The following CFAP74 variants were observed in gnomAD, a reference collection of about 807,000 sequenced individuals.
CFAP74 encodes the protein cilia and flagella associated protein 74.
In CFAP74, 124 loss-of-function variants were observed where a neutral mutation model predicts 188.9. The ratio of observed to expected loss-of-function variants is 0.66; its 90% CI spans 0.57 to 0.76. The LOEUF is 0.76. CFAP74 is among the 30% of genes least tolerant of loss of function. The probability of loss-of-function intolerance (pLI) is 0.00; values close to 1 mark genes in which losing one functional copy is unlikely to be tolerated. For synonymous variants in CFAP74, 956 were observed against 916.7 expected, an observed-to-expected ratio of 1.04 and a Z score of -0.77; for missense variants, 2,198 against 2,165.2, an observed-to-expected ratio of 1.02 and a Z score of -0.30.
At chr1:1,955,363 GC>G (rs762389126) in intron 18 of CFAP74, 1 of 1,341,566 alleles carries the variant, frequency 7.5e-7, no homozygotes, top group South Asian at 1.2e-5. Context: ...CTAGACAGAA[GC>G]CCCCCGCAGC....
chr1:1,970,565 G>C (rs1655879072), intron 10 of CFAP74, 94 bp downstream of exon 10: 2 of 1,386,334 alleles, frequency 1.4e-6, no homozygotes, highest in East Asian at 5.0e-5. Context: ...AGAGAGAGCA[G>C]CTTTGCTCAA....
rs748863427 is a variant in CFAP74 at position 1,924,493 on chromosome 1, T to G, written c.4132A>C (p.Lys1378Gln). The G allele has an allele frequency of 6.2e-7, 1 of 1,601,428 alleles. No individual in the cohort carries two copies. Among genetic ancestry groups the G allele is most frequent in the South Asian group, 1.1e-5 (1 of 89,886 alleles). ...KLQNNSLLPIKFSMHLDSLSS... is the reference protein window; with the variant it reads ...KLQNNSLLPIQFSMHLDSLSS... The stretch of plus-strand genomic sequence containing the variant: ...AGGCTGTCCAGGTGCATGGAGAACT[T>G]GATGGGGAGCAGAGAGTTGTTCTGC... Residue 1378 changes from lysine (K) to glutamine (Q), a missense_variant, in exon 34 of 39, where the codon AAG becomes CAG. Coordinates refer to ENST00000682832, the MANE Select transcript of CFAP74 (RefSeq NM_001304360.2).
chr1:1,947,576 G>A (rs1165527487), intron 18 of CFAP74, among the ~76,000 whole-genome samples: 2 of 152,250 alleles, frequency 1.3e-5, no homozygotes, highest in Non-Finnish European at 2.9e-5. Flanking sequence ...TAGCAGAGCT[G>A]TTTCCTTGCA....
At position 1,938,995 on chromosome 1, in the gene CFAP74, A is replaced by G. The variant is rs1653157520; in HGVS notation, c.2878-7T>C. On this transcript the variant is annotated splice_polypyrimidine_tract_variant and splice_region_variant and intron_variant, in intron 24 of 38. Transcript: ENST00000682832. ...TGGGTTGGACGTCCACAAACTGGAA[A>G]TAGAAGAGTGCTCTGAGGGCATGTC... 1.3e-6 allele frequency: 2 copies of G among 1,535,822 alleles called. No individual in the cohort carries two copies. The highest frequency in any genetic ancestry group is 1.7e-6 in the Non-Finnish European group (2 of 1,146,610).
rs373105882 is a variant in CFAP74, at chr1:1,924,431, C to A, written c.4194G>T (p.Pro1398=). The A allele has an allele frequency of 2.9e-6, 4 of 1,377,480 alleles. No individual in the cohort carries two copies. Among genetic ancestry groups the A allele is most frequent in the African/African-American group, 3.4e-5 (2 of 58,320 alleles). The allele number at this position is 1,377,480 out of a possible 1,614,324, so 85.3% of individuals were successfully genotyped here. ...TCTGGGAGGGCGAGCTGAGGAACTG[C>A]GGCAGCTGCTGCTGGCCCCGGCCCC... ...STRGRGQQQL[P]QFLSSPSQRT... The change falls in exon 34 of 39, where the codon CCG becomes CCT. Residue 1398 remains proline, a synonymous_variant. Transcript: ENST00000682832.
chr1:1,986,308 C>T (rs1295993065), intron 5 of CFAP74, among the ~76,000 whole-genome samples: 2 of 152,230 alleles, frequency 1.3e-5, no homozygotes, highest in East Asian at 3.8e-4. Flanking sequence ...ATTGCTTAAA[C>T]CTGGAGGGGC....
intron 6 of CFAP74, among the ~76,000 whole-genome samples, chr1:1,981,303 G>C (rs1243710515): frequency 2.0e-5 from 3 of 152,226 alleles, no homozygotes; most frequent in Non-Finnish European, 4.4e-5. Context: ...ATTGGCCACG[G>C]AGACCTTGAC....
chr1:1,929,541 A>G (rs1435874176), intron 26 of CFAP74, among the ~76,000 whole-genome samples: 1 of 151,108 alleles, frequency 6.6e-6, no homozygotes, highest in Non-Finnish European at 1.5e-5. Flanking sequence ...GAATCACTGC[A>G]TTCATTGAAA....
At chr1:2,001,767 C>G (rs1658221702) in intron 1 of CFAP74, among the ~76,000 whole-genome samples, 1 of 152,166 alleles carries the variant, frequency 6.6e-6, no homozygotes, top group Admixed American at 6.5e-5. Context: ...ATGGAATGAA[C>G]AGGCCACGGT....
In CFAP74 at chr1:1,923,056, T is replaced by C. The variant is rs372984126; in HGVS notation, c.4612A>G (p.Thr1538Ala). The C allele has an allele frequency of 2.2e-5, 35 of 1,608,802 alleles. 1 individual carries two copies. In the African/African-American group the frequency reaches 4.3e-4, roughly 20 times the overall value. ...TCTCGGGTGGCAGGTGGGGCTGGCG[T>C]GTCTGTGTCAAACTGGATGTAGTCC... ...TLDYIQFDTD[T>A]PAPPATRELQ... Residue 1538 changes from threonine (T) to alanine (A), a missense_variant, in exon 37 of 39, where the codon ACG becomes GCG. By Grantham distance (58) the Thr-to-Ala change is moderately conservative. Coordinates refer to ENST00000682832, the MANE Select transcript of CFAP74 (RefSeq NM_001304360.2). This position sits in a 1 kb window ranked among gnomAD's most constrained non-coding sequence, Gnocchi z 6.3.
intron 1 of CFAP74, among the ~76,000 whole-genome samples, chr1:1,993,602 T>C (rs1657723318): frequency 6.6e-6 from 1 of 151,502 alleles, no homozygotes; most frequent in African/African-American, 2.4e-5. Flanking sequence ...TGTTTTCTAT[T>C]AGACCTTAAA....
intron 15 of CFAP74, 100 bp from the exon 16 acceptor site, chr1:1,959,309 T>G (rs971044890): frequency 7.7e-6 from 6 of 780,174 alleles, no homozygotes; most frequent in Admixed American, 4.4e-5. Context: ...CAGGCTGGGG[T>G]GCAGTGGCAC....
In CFAP74 at chr1:1,974,118, G is replaced by T. The variant is rs142576005; in HGVS notation, c.581C>A (p.Thr194Lys). The change falls in exon 7 of 39, where the codon ACG (threonine) becomes AAG (lysine). Residue 194 changes from threonine to lysine, a missense_variant. Coordinates refer to ENST00000682832, the MANE Select transcript of CFAP74 (RefSeq NM_001304360.2). ...RTADREEVEA[T>K]GRRLQVRAAE... ...TGCGCGCACCTGGAGCCGCCGCCCC[G>T]TGGCCTCCACCTCCTCACGGTCAGC... The T allele has an allele frequency of 6.2e-7, 1 of 1,612,206 alleles. No individual in the cohort carries two copies. Among genetic ancestry groups the T allele is most frequent in the Admixed American group, 1.7e-5 (1 of 59,874 alleles).
At chr1:1,981,860 G>A (rs1343520563) in intron 6 of CFAP74, among the ~76,000 whole-genome samples, 1 of 92,070 alleles carries the variant, frequency 1.1e-5, no homozygotes, top group Non-Finnish European at 2.3e-5. Flanking sequence ...ACCCAGCCGC[G>A]GACAGACACG....
At position 1,966,401 on chromosome 1, in the gene CFAP74, C is replaced by T; in HGVS notation, c.1371G>A (p.Gly457=). The change falls in exon 12 of 39, where the codon GGG becomes GGA. Residue 457 remains glycine, a synonymous_variant. Transcript: ENST00000682832. ...ATGGCTTGTAGTCTTCATTCCAAAG[C>T]CCAGAGATCTCGGGCTCAGCTAACG... ...EETLAEPEIS[G]LWNEDYKPYQ... 2 of 1,595,234 alleles carry T rather than the reference C, an allele frequency of 1.3e-6. No homozygotes were observed. Among genetic ancestry groups the T allele is most frequent in the Non-Finnish European group, 1.7e-6 (2 of 1,169,324 alleles).
rs1651935192 is a variant in CFAP74, at chr1:1,926,752, G to A, written c.3672C>T (p.Asn1224=). The A allele has an allele frequency of 1.3e-6, 2 of 1,550,092 alleles. No individual in the cohort carries two copies. Among genetic ancestry groups the A allele is most frequent in the Non-Finnish European group, 1.7e-6 (2 of 1,146,790 alleles). Residue 1224 remains asparagine, a synonymous_variant, in exon 30 of 39, where the codon AAC becomes AAT. Transcript: ENST00000682832. ...GSEPLSFSPH[N]TLYLELWCPT... is the part of the protein sequence containing the mutation. ...GGCACCACAGCTCCAGGTACAGGGT[G>A]TTGTGGGGGCTGGGATAGGAAGGGC...
chr1:1,946,159 C>T (rs931859626), intron 20 of CFAP74, among the ~76,000 whole-genome samples, 158 bp downstream of exon 20: 1 of 152,214 alleles, frequency 6.6e-6, no homozygotes, highest in East Asian at 1.9e-4. Context: ...CACTCGTGTG[C>T]GTGCGTGTGT....
chr1:1,933,678 C>T (rs1652595839), intron 25 of CFAP74, among the ~76,000 whole-genome samples: 1 of 152,156 alleles, frequency 6.6e-6, no homozygotes, highest in Non-Finnish European at 1.5e-5. Context: ...CTCTTTTTAT[C>T]CTCATTGGTC....
Position 1,923,934 on chromosome 1 carries a change from G to T in CFAP74, c.4235-5C>A. On this transcript the variant is annotated splice_region_variant and splice_polypyrimidine_tract_variant and intron_variant, in intron 34 of 38. Transcript: ENST00000682832. The surrounding 1 kb of genome is among the most constrained non-coding windows in gnomAD (Gnocchi z 6.3). ...GACCGTTGAGATTCTGCGTCCCTGC[G>T]GGTAGGGTGGGGTGCAGTTTGGCCT... The T allele has an allele frequency of 6.2e-7, 1 of 1,603,652 alleles. No individual in the cohort carries two copies.
Sources: allele counts gnomAD v4.1 joint callset (sites outside exome capture counted in the v4.1 genomes callset), GRCh38; gene constraint gnomAD v4.1.1; non-coding constraint Gnocchi (gnomAD v3.1); transcripts MANE v1.5; gene names NCBI Gene and HGNC (gene_info 2026-07-23, HGNC 2026-07-21).